The following HORMAD2 variants were observed in gnomAD, a reference collection of about 807,000 sequenced individuals.
The protein encoded by HORMAD2 is HORMA domain-containing protein 2.
In HORMAD2, 45 loss-of-function variants were observed where a neutral mutation model predicts 38.8. The observed-to-expected ratio is 1.16, with a 90% confidence interval of 0.91 to 1.49. The LOEUF (loss-of-function observed/expected upper bound fraction) is 1.49, where lower values mean the gene tolerates loss of function less well. Ranked by LOEUF, HORMAD2 falls within the 40% of genes most tolerant of loss-of-function variation. The probability of loss-of-function intolerance (pLI) is 0.00; values close to 1 mark genes in which losing one functional copy is unlikely to be tolerated. For synonymous variants in HORMAD2, 126 were observed against 122.8 expected (o/e 1.03, Z -0.17); for missense variants, 338 against 367.0 (o/e 0.92, Z 0.65).
At chr22:30,189,223 G>C in the HORMAD2 span, among the ~76,000 whole-genome samples, 2 of 152,084 alleles carry the variant, frequency 1.3e-5, no homozygotes, top group Non-Finnish European at 2.9e-5. Context: ...CTAGTCTTGG[G>C]GGAATGACAA....
intron 1 of HORMAD2, among the ~76,000 whole-genome samples, chr22:30,090,998 C>T (rs2068671916): frequency 1.3e-5 from 2 of 152,144 alleles, no homozygotes; most frequent in Non-Finnish European, 2.9e-5. Context: ...CAACCTCCTC[C>T]CTGCTGCCCT....
intron 1 of HORMAD2, among the ~76,000 whole-genome samples, chr22:30,084,864 G>A (rs151010618): frequency 2.1e-3 from 312 of 152,110 alleles, no homozygotes; most frequent in African/African-American, 6.8e-3. Context: ...TGAGCTAAAC[G>A]GCCAGGCGTG....
chr22:30,088,112 CAT>C (rs1307235295), intron 1 of HORMAD2, among the ~76,000 whole-genome samples: 6 of 147,962 alleles, frequency 4.1e-5, no homozygotes, highest in Admixed American at 2.0e-4. Flanking sequence ...CACACGTGTA[CAT>C]ATACACACAC....
chr22:30,155,592 C>T (rs1324460616), intron 10 of HORMAD2, among the ~76,000 whole-genome samples: 1 of 151,970 alleles, frequency 6.6e-6, no homozygotes, highest in Non-Finnish European at 1.5e-5. Flanking sequence ...TCAGTGGTTC[C>T]TTCTAATAGC....
At chr22:30,179,708 T>A (rs1237093265), downstream of HORMAD2, among the ~76,000 whole-genome samples, 1 of 152,190 alleles carries the variant, frequency 6.6e-6, no homozygotes, top group African/African-American at 2.4e-5. Flanking sequence ...TGTAAACTAT[T>A]CCTTTGCAAC....
the HORMAD2 span, among the ~76,000 whole-genome samples, chr22:30,199,295 G>A: frequency 6.6e-6 from 1 of 152,184 alleles, no homozygotes; most frequent in South Asian, 2.1e-4. Context: ...TCCTCCCTGA[G>A]AACAGCTTTT....
rs1456409472 is a variant in HORMAD2, at chr22:30,121,805, T to C, written c.568+16T>C. ...TATAATGCAGGTAGGTAGAGAACTTTAGGCAAATTCCTCCTTAAGTGCTGA... is the reference window on the plus strand; with the variant it reads ...TATAATGCAGGTAGGTAGAGAACTTCAGGCAAATTCCTCCTTAAGTGCTGA... On this transcript the variant is annotated intron_variant, in intron 9 of 10. Transcript: ENST00000336726. The C allele has an allele frequency of 1.3e-6, 2 of 1,596,200 alleles. No individual in the cohort carries two copies. The highest frequency in any genetic ancestry group is 1.8e-5 in the Admixed American group (1 of 55,664).
chr22:30,118,401 T>A (rs993735827), intron 7 of HORMAD2, among the ~76,000 whole-genome samples: 1 of 152,144 alleles, frequency 6.6e-6, no homozygotes, highest in African/African-American at 2.4e-5. Flanking sequence ...CCTCACCTCT[T>A]CAGCAAGGCC....
At chr22:30,183,107 G>A in the HORMAD2 span, among the ~76,000 whole-genome samples, 1 of 152,174 alleles carries the variant, frequency 6.6e-6, no homozygotes, top group Non-Finnish European at 1.5e-5. Flanking sequence ...TATTGAAGTA[G>A]CCCCAGAAAT....
intron 10 of HORMAD2, among the ~76,000 whole-genome samples, chr22:30,157,856 T>G (rs1427890012): frequency 6.6e-6 from 1 of 152,206 alleles, no homozygotes; most frequent in Non-Finnish European, 1.5e-5. Flanking sequence ...CATGCCAGCT[T>G]AGAGCACATT....
At chr22:30,090,167 A>G (rs2068657178) in intron 1 of HORMAD2, among the ~76,000 whole-genome samples, 1 of 152,162 alleles carries the variant, frequency 6.6e-6, no homozygotes, top group Non-Finnish European at 1.5e-5. Flanking sequence ...ATTCAAGACC[A>G]GCCTGGGCAA....
At chr22:30,152,736 A>G (rs1924829189) in intron 10 of HORMAD2, among the ~76,000 whole-genome samples, 1 of 151,360 alleles carries the variant, frequency 6.6e-6, no homozygotes. Flanking sequence ...TTTTCCATCC[A>G]CTTCCCTCTT....
At chr22:30,096,410 G>A (rs2068782590) in intron 2 of HORMAD2, among the ~76,000 whole-genome samples, 1 of 151,872 alleles carries the variant, frequency 6.6e-6, no homozygotes, top group South Asian at 2.1e-4. Context: ...GTGTTTAGGA[G>A]TTTTTATTAT....
chr22:30,157,445 C>A (rs376586118), intron 10 of HORMAD2, among the ~76,000 whole-genome samples: 1 of 151,732 alleles, frequency 6.6e-6, no homozygotes, highest in Non-Finnish European at 1.5e-5. Flanking sequence ...TTATCCCCCT[C>A]CCTTTTTTTT....
chr22:30,200,992 C>T, the HORMAD2 span, among the ~76,000 whole-genome samples: 884 of 152,198 alleles, frequency 5.8e-3, 11 homozygotes, highest in African/African-American at 0.019. Context: ...TCAGGTGATC[C>T]GCCCACCTCG....
chr22:30,144,091 A>G (rs1416225585), intron 10 of HORMAD2, among the ~76,000 whole-genome samples: 1 of 152,218 alleles, frequency 6.6e-6, no homozygotes, highest in Admixed American at 6.5e-5. Flanking sequence ...CCAACACAAG[A>G]ACAGCCTAAT....
intron 10 of HORMAD2, among the ~76,000 whole-genome samples, chr22:30,168,229 G>T (rs1925900286): frequency 1.3e-5 from 2 of 152,074 alleles, no homozygotes; most frequent in Admixed American, 1.3e-4. Context: ...CTAAGCAGAT[G>T]ACCTAAACTC....
the HORMAD2 span, among the ~76,000 whole-genome samples, chr22:30,201,341 C>G: frequency 6.6e-6 from 1 of 151,438 alleles, no homozygotes; most frequent in African/African-American, 2.4e-5. Context: ...ATAACCTCAT[C>G]TTGACTTGAT....
chr22:30,171,281 A>G (rs1258470820), intron 10 of HORMAD2, among the ~76,000 whole-genome samples: 2 of 152,180 alleles, frequency 1.3e-5, no homozygotes, highest in East Asian at 3.9e-4. Context: ...AGACTTCCAC[A>G]GATAGCCACT....
Sources: allele counts gnomAD v4.1 joint callset (sites outside exome capture counted in the v4.1 genomes callset), GRCh38; gene constraint gnomAD v4.1.1; transcripts MANE v1.5; gene names NCBI Gene and HGNC (gene_info 2026-07-23, HGNC 2026-07-21).